STAB2: variants seen among roughly 807,000 people sequenced by gnomAD.
STAB2 encodes stabilin 2.
A neutral mutation model predicts 338.1 loss-of-function variants in STAB2; 288 were observed. The observed-to-expected ratio is 0.85, with a 90% CI of 0.77 to 0.94. STAB2 has a LOEUF of 0.94. Among genes scored for constraint, STAB2 ranks in the 40% least tolerant of loss-of-function variants. STAB2 has a pLI of 0.00. For synonymous variants in STAB2, 1,202 were observed against 1,193.3 expected, an observed-to-expected ratio of 1.01 and a Z score of -0.15; for missense variants, 3,141 against 3,210.1, an observed-to-expected ratio of 0.98 and a Z score of 0.52.
At chr12:103,687,815 G>T (rs1877567630) in intron 27 of STAB2, among the ~76,000 whole-genome samples, 1 of 152,140 alleles carries the variant, frequency 6.6e-6, no homozygotes, top group Non-Finnish European at 1.5e-5. Flanking sequence ...GGGGCTATTT[G>T]CTGAGCTCTG....
At chr12:103,691,008 C>A (rs1384239332) in intron 30 of STAB2, among the ~76,000 whole-genome samples, 2 of 152,174 alleles carry the variant, frequency 1.3e-5, no homozygotes, top group African/African-American at 4.8e-5. Context: ...AATCAACCAA[C>A]AACTATTGAG....
intron 3 of STAB2, among the ~76,000 whole-genome samples, chr12:103,610,783 G>T (rs1055994688): frequency 6.6e-6 from 1 of 152,118 alleles, no homozygotes; most frequent in African/African-American, 2.4e-5. Flanking sequence ...TGTTGTTAGG[G>T]TGTCAATTTT....
In STAB2 at chr12:103,761,347, CTT is replaced by C. The variant is rs758420113; in HGVS notation, c.7298_7299del (p.Phe2433CysfsTer63). The C allele has an allele frequency of 3.7e-6, 6 of 1,614,104 alleles. No individual in the cohort carries two copies. Among genetic ancestry groups the C allele is most frequent in the Non-Finnish European group, 5.1e-6 (6 of 1,179,998 alleles). ...GAAGAGCCATTCTGCAGTGGGACAT[CTT>C]TGCCTCCAATGGGATCATTCATGTC... ...DGRAILQWDI[F>X]ASNGIIHVIS... On this transcript the variant is annotated frameshift_variant, in exon 66 of 69. Transcript: ENST00000388887. LOFTEE classifies it high-confidence loss of function.
At chr12:103,725,127 C>CT (rs771653614) in intron 45 of STAB2, 33 bp downstream of exon 45, 21 of 1,592,408 alleles carry the variant, frequency 1.3e-5, no homozygotes, top group Non-Finnish European at 1.6e-5. Context: ...CAAGTAAACT[C>CT]TACTTCCCTA....
intron 8 of STAB2, among the ~76,000 whole-genome samples, chr12:103,639,315 A>T (rs1302766685): frequency 1.3e-5 from 2 of 152,138 alleles, no homozygotes; most frequent in African/African-American, 4.8e-5. Context: ...GGGCTGGATA[A>T]TTCTTTGTGG....
At chr12:103,716,688 A>G (rs1050335612) in intron 43 of STAB2, among the ~76,000 whole-genome samples, 4 of 152,234 alleles carry the variant, frequency 2.6e-5, no homozygotes, top group African/African-American at 9.6e-5. Context: ...GTGTGGACAC[A>G]TTTAGTCATG....
rs1353686154 is a variant in STAB2, at chr12:103,683,624, A to T, written c.2901+324A>T. Among the ~76,000 whole-genome samples, 3 of 152,358 alleles carry T rather than the reference A, an allele frequency of 2.0e-5. No homozygotes were observed. The South Asian group carries it at 6.2e-4, about 32-fold the overall frequency. On this transcript the variant is annotated intron_variant, in intron 26 of 68. Coordinates refer to ENST00000388887, the MANE Select transcript of STAB2 (RefSeq NM_017564.10). ...TTACTCATTTTTCACCTAAAATTGA[A>T]ATTTAACAAGTCATTCAATATTTTT... is the stretch of plus-strand genomic sequence containing the variant.
intron 46 of STAB2, 26 bp from the exon 47 acceptor site, chr12:103,727,241 T>G (rs745886381): frequency 3.1e-6 from 5 of 1,613,596 alleles, no homozygotes; most frequent in Non-Finnish European, 3.4e-6. Flanking sequence ...GTGAGTGATG[T>G]GTGAGCCTCA....
intron 61 of STAB2, 115 bp downstream of exon 61, chr12:103,753,468 A>G: frequency 1.4e-6 from 2 of 1,410,136 alleles, no homozygotes; most frequent in Admixed American, 3.8e-5. Context: ...GAGTGCAGGT[A>G]GCTCCTGGAA....
chr12:103,726,075 A>G (rs767972277), intron 45 of STAB2, 41 bp from the exon 46 acceptor site: 19 of 1,609,996 alleles, frequency 1.2e-5, no homozygotes, highest in Middle Eastern at 1.7e-4. Flanking sequence ...GTTCTAATAT[A>G]TATTTCACAG....
intron 3 of STAB2, among the ~76,000 whole-genome samples, chr12:103,609,082 T>A (rs1957079300): frequency 6.6e-6 from 1 of 152,206 alleles, no homozygotes; most frequent in Non-Finnish European, 1.5e-5. Context: ...CTGTTTTGGT[T>A]ACTGTAGCCT....
rs1193231761 is a variant in STAB2, at chr12:103,690,506, G to T, written c.3265G>T (p.Gly1089Cys). The change falls in exon 30 of 69, where the codon GGC becomes TGC. Residue 1089 changes from glycine to cysteine, a missense_variant. By Grantham distance (159) the Gly-to-Cys change is radical. Transcript: ENST00000388887. ...TGACATGTTGGCAACATCTTTGCAGGGCAACTTCCTTCACTTGGCAAAGGT... is the reference window on the plus strand; with the variant it reads ...TGACATGTTGGCAACATCTTTGCAGTGCAACTTCCTTCACTTGGCAAAGGT... ...SSDMLATSLQ[G>C]NFLHLAKVDG... The T allele has an allele frequency of 1.9e-6, 3 of 1,613,918 alleles. No homozygotes were observed. Among genetic ancestry groups the T allele is most frequent in the African/African-American group, 1.3e-5 (1 of 74,906 alleles).
rs1252244135 is a variant in STAB2 at position 103,631,613 on chromosome 12, A to C, written c.503A>C (p.His168Pro). 1.2e-6 allele frequency: 2 copies of C among 1,614,150 alleles called. No individual in the cohort carries two copies. The highest frequency in any genetic ancestry group is 1.1e-5 in the South Asian group (1 of 91,088). Residue 168 changes from histidine (H) to proline (P), a missense_variant, in exon 6 of 69, where the codon CAT (histidine) becomes CCT (proline). By Grantham distance (77) the His-to-Pro change is moderately conservative. Transcript: ENST00000388887. ...PSCSSVCNCV[H>P]GVCNSGLDGD... Reference sequence around the variant, plus strand: ...CTGTCTCCAGTGTGCAACTGTGTGCATGGGGTGTGCAACAGTGGACTAGAT... The same window carrying C: ...CTGTCTCCAGTGTGCAACTGTGTGCCTGGGGTGTGCAACAGTGGACTAGAT...
chr12:103,695,556 G>A lies in STAB2; in HGVS notation c.3382G>A (p.Val1128Ile). The A allele has an allele frequency of 2.5e-6, 4 of 1,614,048 alleles. No individual in the cohort carries two copies. Among genetic ancestry groups the A allele is most frequent in the Non-Finnish European group, 3.4e-6 (4 of 1,179,996 alleles). Residue 1128 changes from valine (V) to isoleucine (I), a missense_variant, in exon 32 of 69, where the codon GTC becomes ATC. By Grantham distance (29) the Val-to-Ile change is conservative. Coordinates refer to ENST00000388887, the MANE Select transcript of STAB2 (RefSeq NM_017564.10). The part of the protein sequence containing the change: ...GVIHIINKVL[V>I]PQRRLTGSLP... Reference sequence around the variant, plus strand: ...CTGGGGTTTCTTTTTTCAGGTGCTGGTCCCACAAAGACGTCTAACTGGCTC... The same window carrying A: ...CTGGGGTTTCTTTTTTCAGGTGCTGATCCCACAAAGACGTCTAACTGGCTC...
intron 3 of STAB2, among the ~76,000 whole-genome samples, chr12:103,618,102 C>A (rs761690506): frequency 6.6e-6 from 1 of 152,202 alleles, no homozygotes; most frequent in Non-Finnish European, 1.5e-5. Context: ...GCTTAGAAGT[C>A]TCTTTCTTCA....
chr12:103,761,534 G>GCCTCCAA (rs1884542010), intron 66 of STAB2, 124 bp downstream of exon 66: 2 of 824,352 alleles, frequency 2.4e-6, no homozygotes, highest in Non-Finnish European at 3.8e-6. Flanking sequence ...GGAGCCTCCA[G>GCCTCCAA]CCTCCAACCT....
rs868249259 is a variant in STAB2 at position 103,755,341 on chromosome 12, G to A, written c.6754G>A (p.Gly2252Arg). ...GTGCTCAGCAGGCTGGCTGGAGACC[G>A]GGCGGGTTGCCTACCCCACAGCCTT... Reference protein sequence around the residue: ...HLCSAGWLETGRVAYPTAFAS... With the variant: ...HLCSAGWLETRRVAYPTAFAS... Residue 2252 changes from glycine (G) to arginine (R), a missense_variant, in exon 62 of 69, where the codon GGG becomes AGG. Coordinates refer to ENST00000388887, the MANE Select transcript of STAB2 (RefSeq NM_017564.10). 5.4e-5 allele frequency: 87 copies of A among 1,614,096 alleles called. No homozygotes were observed. In the Middle Eastern group the frequency reaches 1.3e-3, roughly 24 times the overall value.
chr12:103,650,444 T>A (rs1873652128), intron 10 of STAB2, 52 bp from the exon 11 acceptor site: 1 of 1,535,560 alleles, frequency 6.5e-7, no homozygotes, highest in Admixed American at 1.7e-5. Context: ...ACTCCTCCTG[T>A]ACCACTGACT....
chr12:103,604,483 T>C (rs746146948), intron 3 of STAB2, among the ~76,000 whole-genome samples: 2 of 152,066 alleles, frequency 1.3e-5, no homozygotes, highest in Non-Finnish European at 2.9e-5. Flanking sequence ...ACAAAGCCAT[T>C]TGGCATGGAA....
Sources: gnomAD v4.1 joint callset for allele counts (sites outside exome capture counted in the v4.1 genomes callset) on GRCh38, gnomAD v4.1.1 for gene constraint, MANE v1.5 for transcripts, NCBI Gene and HGNC (gene_info 2026-07-23, HGNC 2026-07-21) for gene names.